The following CCSER1 variants were observed in gnomAD, a reference collection of about 807,000 sequenced individuals.
CCSER1 encodes serine-rich coiled-coil domain-containing protein 1.
A neutral mutation model predicts 82.0 loss-of-function variants in CCSER1; 41 were observed. The observed-to-expected ratio is 0.50, with a 90% CI of 0.39 to 0.65. The LOEUF (loss-of-function observed/expected upper bound fraction) is 0.65, where lower values mean the gene tolerates loss of function less well. Among genes scored for constraint, CCSER1 ranks in the 30% least tolerant of loss-of-function variants. CCSER1 has a pLI of 0.00. For missense variants in CCSER1, 1,119 were observed against 1,064.2 expected (o/e 1.05, Z -0.72); for synonymous variants, 414 against 383.9 (o/e 1.08, Z -0.92).
chr4:91,357,879 C>CG (rs966688336), intron 10 of CCSER1, among the ~76,000 whole-genome samples: 1 of 70,352 alleles, frequency 1.4e-5, no homozygotes, highest in Non-Finnish European at 3.2e-5. Flanking sequence ...TCTGCCTGCC[C>CG]CCCCCCCCTT....
At chr4:91,109,933 T>C (rs1406057922) in intron 10 of CCSER1, among the ~76,000 whole-genome samples, 2 of 152,148 alleles carry the variant, frequency 1.3e-5, no homozygotes, top group African/African-American at 4.8e-5. Context: ...TTAAATTATC[T>C]CAAAACCAAA....
intron 6 of CCSER1, among the ~76,000 whole-genome samples, chr4:90,710,374 T>C (rs1306424648): frequency 6.6e-6 from 1 of 152,200 alleles, no homozygotes; most frequent in Admixed American, 6.5e-5. Context: ...CTGAAATTGC[T>C]TTTGGTATTT....
chr4:90,989,509 C>G (rs1736845894), intron 9 of CCSER1, among the ~76,000 whole-genome samples: 1 of 151,664 alleles, frequency 6.6e-6, no homozygotes, highest in Admixed American at 6.6e-5. Flanking sequence ...TCTGAGATAG[C>G]TTCTGAGAAT....
intron 4 of CCSER1, among the ~76,000 whole-genome samples, chr4:90,408,095 C>G (rs1220600281): frequency 6.6e-6 from 1 of 152,200 alleles, no homozygotes; most frequent in Non-Finnish European, 1.5e-5. Flanking sequence ...GGAGGGGCAC[C>G]CGCCATTGCC....
chr4:91,048,658 C>T (rs1174895303), intron 9 of CCSER1, among the ~76,000 whole-genome samples: 2 of 152,072 alleles, frequency 1.3e-5, no homozygotes, highest in East Asian at 1.9e-4. Flanking sequence ...TGATTATACA[C>T]ACTCCTTCAC....
At chr4:91,413,768 T>C (rs1289034765) in intron 10 of CCSER1, among the ~76,000 whole-genome samples, 1 of 151,786 alleles carries the variant, frequency 6.6e-6, no homozygotes, top group Non-Finnish European at 1.5e-5. Context: ...TTGTCAACAG[T>C]CAAGAACAAA....
chr4:90,609,981 G>A (rs1303677840), intron 5 of CCSER1, among the ~76,000 whole-genome samples: 1 of 152,098 alleles, frequency 6.6e-6, no homozygotes, highest in Non-Finnish European at 1.5e-5. Context: ...GGCCAGGCGC[G>A]GTGGCTCATG....
intron 6 of CCSER1, among the ~76,000 whole-genome samples, chr4:90,723,061 G>C (rs1434779820): frequency 6.6e-6 from 1 of 151,920 alleles, no homozygotes; most frequent in Non-Finnish European, 1.5e-5. Context: ...AGCTGAAAAT[G>C]TAGGTATATA....
At chr4:91,596,069 C>A (rs1410893129) in intron 10 of CCSER1, among the ~76,000 whole-genome samples, 10 of 151,488 alleles carry the variant, frequency 6.6e-5, no homozygotes, top group African/African-American at 2.4e-4. Flanking sequence ...GAGTAAGAAG[C>A]CCCATCTTGC....
At position 90,308,505 on chromosome 4, in the gene CCSER1, A is replaced by T. The variant is rs377147993; in HGVS notation, c.221A>T (p.Lys74Met). ...CCTTCCATTAGCTTCCACCATAAGA[A>T]GGGGAGTGAGCCTAAGCAAGAGCCT... ...RTPSISFHHK[K>M]GSEPKQEPTN... Residue 74 changes from lysine to methionine, a missense_variant, in exon 2 of 11, where the codon AAG becomes ATG. Coordinates refer to ENST00000509176, the MANE Select transcript of CCSER1 (RefSeq NM_001145065.2). The T allele has an allele frequency of 1.2e-6, 2 of 1,613,910 alleles. No individual in the cohort carries two copies. Among genetic ancestry groups the T allele is most frequent in the African/African-American group, 1.3e-5 (1 of 75,044 alleles).
chr4:90,630,868 G>GATTATT (rs71596533), intron 6 of CCSER1, among the ~76,000 whole-genome samples: 7,388 of 143,238 alleles, frequency 0.052, 286 homozygotes, highest in Admixed American at 0.12. Flanking sequence ...TTTGTTCACA[G>GATTATT]ATTATTATTA....
At chr4:90,997,362 C>T (rs1435488458) in intron 9 of CCSER1, among the ~76,000 whole-genome samples, 1 of 152,154 alleles carries the variant, frequency 6.6e-6, no homozygotes, top group East Asian at 1.9e-4. Flanking sequence ...TCTGACTGTC[C>T]TGCCTCCCCG....
At chr4:90,171,619 A>G (rs1731689234) in intron 1 of CCSER1, among the ~76,000 whole-genome samples, 1 of 151,930 alleles carries the variant, frequency 6.6e-6, no homozygotes, top group Non-Finnish European at 1.5e-5. Flanking sequence ...CCTTGAAGTC[A>G]GTTATAATTA....
chr4:90,688,534 A>G (rs1735238988), intron 6 of CCSER1, among the ~76,000 whole-genome samples: 1 of 152,124 alleles, frequency 6.6e-6, no homozygotes, highest in African/African-American at 2.4e-5. Context: ...TAATTAATAT[A>G]TACTGAATTT....
chr4:90,745,857 A>C (rs954842952), intron 7 of CCSER1, among the ~76,000 whole-genome samples: 2 of 140,780 alleles, frequency 1.4e-5, no homozygotes, highest in Admixed American at 6.8e-5. Flanking sequence ...ACCCAGCTAA[A>C]TTTTTTTTAA....
intron 9 of CCSER1, among the ~76,000 whole-genome samples, chr4:90,959,771 A>G (rs938046193): frequency 6.1e-5 from 9 of 146,460 alleles, no homozygotes; most frequent in African/African-American, 2.0e-4. Context: ...TTTCTCTGAT[A>G]GCAATTTGCC....
intron 10 of CCSER1, among the ~76,000 whole-genome samples, chr4:91,272,854 G>A (rs1332057918): frequency 6.6e-6 from 1 of 152,098 alleles, no homozygotes; most frequent in Non-Finnish European, 1.5e-5. Context: ...AATAGTGTGT[G>A]CTTTGCCCAC....
chr4:90,355,982 A>G (rs770389537), intron 3 of CCSER1, among the ~76,000 whole-genome samples: 40 of 151,920 alleles, frequency 2.6e-4, no homozygotes, highest in Admixed American at 6.6e-4. Context: ...TGAAAAGTCC[A>G]TTGTCTTAAT....
At position 90,285,600 on chromosome 4, in the gene CCSER1, ACTT is replaced by A. The variant is rs1197432920; in HGVS notation, c.-41-22639_-41-22637del. Reference sequence around the variant, plus strand: ...ATTATCTGCAATCAAAGATAAGTTGACTTCTTCCTTTCCAATATGGTTGCCCTT... The same window carrying A: ...ATTATCTGCAATCAAAGATAAGTTGACTTCCTTTCCAATATGGTTGCCCTT... On this transcript the variant is annotated intron_variant, in intron 1 of 10. Transcript: ENST00000509176. Among the ~76,000 whole-genome samples the A allele has an allele frequency of 2.6e-5, 4 of 152,012 alleles. No individual in the cohort carries two copies. The East Asian group carries it at 7.7e-4, about 29-fold the overall frequency.
Sources: allele counts gnomAD v4.1 joint callset (sites outside exome capture counted in the v4.1 genomes callset), GRCh38; gene constraint gnomAD v4.1.1; transcripts MANE v1.5; gene names NCBI Gene and HGNC (gene_info 2026-07-23, HGNC 2026-07-21).